RABGAP1L: variants seen among roughly 807,000 people sequenced by gnomAD.
RABGAP1L encodes rab GTPase-activating protein 1-like.
In RABGAP1L, 63 loss-of-function variants were observed where a neutral mutation model predicts 137.7. The observed-to-expected ratio is 0.46, with a 90% CI of 0.37 to 0.56. The LOEUF (loss-of-function observed/expected upper bound fraction) is 0.56. RABGAP1L is among the 20% of genes least tolerant of loss of function. RABGAP1L has a pLI of 0.00. For synonymous variants in RABGAP1L, 431 were observed against 433.7 expected, an observed-to-expected ratio of 0.99 and a Z score of 0.08; for missense variants, 1,095 against 1,244.0, an observed-to-expected ratio of 0.88 and a Z score of 1.80.
At chr1:174,517,621 C>T (rs1285135910) in intron 13 of RABGAP1L, among the ~76,000 whole-genome samples, 2 of 152,098 alleles carry the variant, frequency 1.3e-5, no homozygotes, top group Non-Finnish European at 2.9e-5. Flanking sequence ...GTAAAAAAAT[C>T]AACTATAGCT....
At chr1:174,274,325 C>T (rs982742946) in intron 8 of RABGAP1L, among the ~76,000 whole-genome samples, 1 of 151,928 alleles carries the variant, frequency 6.6e-6, no homozygotes, top group Admixed American at 6.6e-5. Context: ...AGAAAATTTC[C>T]GTGAATGATG....
At chr1:174,502,825 C>A (rs901575990) in intron 13 of RABGAP1L, among the ~76,000 whole-genome samples, 2 of 151,754 alleles carry the variant, frequency 1.3e-5, no homozygotes, top group African/African-American at 4.8e-5. Context: ...GACACAGTTA[C>A]TAACTCTAGG....
At chr1:174,976,953 T>G (rs1198623970) in intron 22 of RABGAP1L, among the ~76,000 whole-genome samples, 2 of 152,260 alleles carry the variant, frequency 1.3e-5, no homozygotes, top group Non-Finnish European at 2.9e-5. Context: ...AGTCAGAGTT[T>G]CATCACAAAC....
intron 1 of RABGAP1L, among the ~76,000 whole-genome samples, chr1:174,207,858 T>A (rs1668609918): frequency 6.6e-6 from 1 of 152,182 alleles, no homozygotes; most frequent in South Asian, 2.1e-4. Flanking sequence ...ACTGGTCTCC[T>A]TCATCTAAGT....
intron 19 of RABGAP1L, among the ~76,000 whole-genome samples, chr1:174,902,719 C>T (rs1344540799): frequency 2.0e-5 from 3 of 152,152 alleles, no homozygotes; most frequent in African/African-American, 4.8e-5. Flanking sequence ...CACTGTTTCC[C>T]TTGGCTGGGG....
intron 14 of RABGAP1L, among the ~76,000 whole-genome samples, chr1:174,640,881 C>T (rs1018653635): frequency 1.3e-5 from 2 of 150,154 alleles, no homozygotes; most frequent in Non-Finnish European, 3.0e-5. Flanking sequence ...AAAGCTGCAT[C>T]TTCTTCACAT....
At position 174,829,430 on chromosome 1, in the gene RABGAP1L, T is replaced by G. The variant is rs1443830987; in HGVS notation, c.2340+17470T>G. ...CTCATGCAATATAAATTTGTGAATT[T>G]TCCACCATTCCAGACCGTTAAGACT... On this transcript the variant is annotated intron_variant, in intron 19 of 25. Transcript: ENST00000681986. 2.7e-5 allele frequency among the ~76,000 whole-genome samples: 4 copies of G among 148,324 alleles called. 1 individual carries two copies. The East Asian group carries it at 6.3e-4, about 23-fold the overall frequency.
rs1448875897 is a variant in RABGAP1L at position 174,991,539 on chromosome 1, A to G, written c.*1538A>G. 6.6e-6 allele frequency: 1 copy of G among 152,190 alleles called. No homozygotes were observed. The highest frequency in any genetic ancestry group is 1.5e-5 in the Non-Finnish European group (1 of 68,020). 9.4% of individuals were successfully genotyped at this position (152,190 alleles called of 1,614,324 possible). On this transcript the variant is annotated 3_prime_UTR_variant, in exon 26 of 26. Coordinates refer to ENST00000681986, the MANE Select transcript of RABGAP1L (RefSeq NM_001366446.1). The stretch of plus-strand genomic sequence containing the variant: ...ATCTTTTCCTCTAAAATGATCTTTT[A>G]TGTTCTAAAAAGTGAAATCCCCTTT...
intron 13 of RABGAP1L, among the ~76,000 whole-genome samples, chr1:174,619,020 A>C (rs1233525283): frequency 1.3e-5 from 2 of 152,258 alleles, no homozygotes; most frequent in Non-Finnish European, 2.9e-5. Flanking sequence ...CGATTTGATC[A>C]ACTGGAAGAA....
At chr1:174,215,732 A>G (rs761457201) in intron 1 of RABGAP1L, among the ~76,000 whole-genome samples, 2 of 152,150 alleles carry the variant, frequency 1.3e-5, no homozygotes, top group Non-Finnish European at 2.9e-5. Flanking sequence ...GGGAGTATGC[A>G]TTAGTACAAG....
chr1:174,248,738 ACT>A (rs1285079850), intron 5 of RABGAP1L, among the ~76,000 whole-genome samples: 1 of 152,036 alleles, frequency 6.6e-6, no homozygotes, highest in Non-Finnish European at 1.5e-5. Context: ...ACTTTAACAG[ACT>A]CTTCTGTTAT....
chr1:174,993,849 TCTCC>T lies in RABGAP1L; in HGVS notation c.*3849_*3852del, dbSNP rs989081837. The T allele has an allele frequency of 3.3e-5, 5 of 152,246 alleles. No homozygotes were observed. The highest frequency in any genetic ancestry group is 1.2e-4 in the African/African-American group (5 of 41,454). The allele number at this position is 152,246 out of a possible 1,614,324, so 9.4% of individuals were successfully genotyped here. ...AACACTCCAAAATACTGACTCCTTTTCTCCAATTACAAATGAGTGTGAAGAAATT... is the reference window on the plus strand; with the variant it reads ...AACACTCCAAAATACTGACTCCTTTTAATTACAAATGAGTGTGAAGAAATT... On this transcript the variant is annotated 3_prime_UTR_variant, in exon 26 of 26. Transcript: ENST00000681986.
chr1:174,175,175 A>C (rs746150647), intron 1 of RABGAP1L, among the ~76,000 whole-genome samples: 4 of 152,204 alleles, frequency 2.6e-5, no homozygotes, highest in African/African-American at 9.7e-5. Flanking sequence ...TAGATTATGG[A>C]ATGCTAGACA....
intron 12 of RABGAP1L, among the ~76,000 whole-genome samples, chr1:174,374,600 G>A (rs756604190): frequency 2.0e-5 from 3 of 152,046 alleles, no homozygotes; most frequent in Non-Finnish European, 2.9e-5. Flanking sequence ...ACTCCCAAAG[G>A]CAAAATAATT....
chr1:174,288,475 T>G (rs1263848800), intron 10 of RABGAP1L, among the ~76,000 whole-genome samples: 1 of 152,172 alleles, frequency 6.6e-6, no homozygotes, highest in African/African-American at 2.4e-5. Context: ...TTGCCAGGTA[T>G]AGTATTCTTG....
chr1:174,783,574 T>C (rs974996375), intron 18 of RABGAP1L, among the ~76,000 whole-genome samples: 1 of 152,182 alleles, frequency 6.6e-6, no homozygotes, highest in Non-Finnish European at 1.5e-5. Flanking sequence ...CTAAGAGATA[T>C]TCAAATAGAA....
chr1:174,182,323 G>A (rs1159373029), intron 1 of RABGAP1L, among the ~76,000 whole-genome samples: 1 of 152,176 alleles, frequency 6.6e-6, no homozygotes. Flanking sequence ...CTGTATTTTG[G>A]TTGAGAGAAA....
chr1:174,759,283 TAAAAAAAAA>T (rs59159307), intron 18 of RABGAP1L, among the ~76,000 whole-genome samples: 1 of 130,670 alleles, frequency 7.7e-6, no homozygotes, highest in African/African-American at 2.9e-5. Flanking sequence ...GTAATTTATT[TAAAAAAAAA>T]AAAAAAAAAA....
chr1:174,405,059 G>T (rs1049455461), intron 13 of RABGAP1L, among the ~76,000 whole-genome samples: 9 of 151,986 alleles, frequency 5.9e-5, no homozygotes, highest in Non-Finnish European at 1.0e-4. Flanking sequence ...AAAACATTTA[G>T]CTAAAGAAGA....
Sources: allele counts gnomAD v4.1 joint callset (sites outside exome capture counted in the v4.1 genomes callset), GRCh38; gene constraint gnomAD v4.1.1; transcripts MANE v1.5; gene names NCBI Gene and HGNC (gene_info 2026-07-23, HGNC 2026-07-21).